The following ADNP variants were observed in gnomAD, a reference collection of about 807,000 sequenced individuals.
ADNP encodes the protein activity dependent neuroprotector homeobox, also known as activity-dependent neuroprotector homeobox protein.
In ADNP, 4 loss-of-function variants were observed where a neutral mutation model predicts 84.9. That is an observed-to-expected ratio of 0.05 (90% confidence interval 0.02 to 0.11). The LOEUF is 0.11. ADNP is among the 10% of genes least tolerant of loss of function. The pLI, the probability that ADNP is intolerant of heterozygous loss-of-function variation, is 1.00. For synonymous variants in ADNP, 554 were observed against 468.1 expected (o/e 1.18, Z -2.37); for missense variants, 1,132 against 1,326.0 (o/e 0.85, Z 2.27).
At chr20:50,915,928 C>G (rs978215282) in intron 2 of ADNP, among the ~76,000 whole-genome samples, 12 of 152,122 alleles carry the variant, frequency 7.9e-5, no homozygotes, top group African/African-American at 2.7e-4. Flanking sequence ...TTATAACACT[C>G]TTAATAAAGA....
intron 2 of ADNP, among the ~76,000 whole-genome samples, 186 bp downstream of exon 2, chr20:50,928,465 C>T (rs1444848975): frequency 6.6e-6 from 1 of 152,136 alleles, no homozygotes; most frequent in Non-Finnish European, 1.5e-5. Flanking sequence ...CTTAAAAAAG[C>T]TGTAAGTAAT....
In ADNP at chr20:50,892,606, G is replaced by A. The variant is rs759181979; in HGVS notation, c.2108C>T (p.Pro703Leu). Residue 703 changes from proline (P) to leucine (L), a missense_variant, in exon 6 of 6, where the codon CCC becomes CTC. Physicochemically the swap from Pro to Leu is moderately conservative, Grantham distance 98 (BLOSUM62 -3). Around this residue, in one of 10 missense-constraint regions of ADNP, gnomAD observed 101 missense variants for 78.5 expected, o/e 1.29. Coordinates refer to ENST00000621696, the MANE Select transcript of ADNP (RefSeq NM_001282531.3). ...TQNGQDKTNA[P>L]SRLNQSPSLA... is the part of the protein sequence containing the mutation. ...ACTTGGAGACTGATTAAGCCGAGAG[G>A]GTGCATTTGTCTTATCCTGGCCATT... 3.1e-6 allele frequency: 5 copies of A among 1,614,138 alleles called. No homozygotes were observed. The South Asian group carries it at 4.4e-5, about 14-fold the overall frequency.
intron 2 of ADNP, among the ~76,000 whole-genome samples, chr20:50,912,313 A>T (rs1178018297): frequency 5.3e-5 from 8 of 151,878 alleles, no homozygotes; most frequent in South Asian, 2.1e-4. Flanking sequence ...GGCTGGGCTA[A>T]TTTTTTTTAT....
At chr20:50,901,993 G>A in intron 5 of ADNP, 24 bp downstream of exon 5, 1 of 1,548,882 alleles carries the variant, frequency 6.5e-7, no homozygotes, top group Non-Finnish European at 8.9e-7. Context: ...GCTGCCATCT[G>A]AGGAAGTCTC....
chr20:50,905,390 G>A (rs567677955), intron 2 of ADNP: 1 of 152,056 alleles, frequency 6.6e-6, no homozygotes, highest in Admixed American at 6.5e-5. Flanking sequence ...AATTAACAAA[G>A]GCTGTTACTC....
chr20:50,905,399 TCTG>T lies in ADNP; in HGVS notation c.-89-553_-89-551del, dbSNP rs1982371969. 2 of 152,192 alleles carry T rather than the reference TCTG, an allele frequency of 1.3e-5. 1 individual carries two copies. The highest frequency in any genetic ancestry group is 4.1e-4 in the South Asian group (2 of 4,830). The allele number at this position is 152,192 out of a possible 1,614,324, so 9.4% of individuals were successfully genotyped here. A position where few individuals can be genotyped will look rare whatever the true frequency, so the allele number is the denominator to read the frequency against. On this transcript the variant is annotated intron_variant, in intron 2 of 5. Coordinates refer to ENST00000621696, the MANE Select transcript of ADNP (RefSeq NM_001282531.3). ...TTTTCTAATTAACAAAGGCTGTTACTCTGTAATACCAATATCATCTGTAAATGG... is the reference window on the plus strand; with the variant it reads ...TTTTCTAATTAACAAAGGCTGTTACTTAATACCAATATCATCTGTAAATGG...
chr20:50,898,215 G>A (rs538319708), intron 5 of ADNP, among the ~76,000 whole-genome samples: 4 of 152,072 alleles, frequency 2.6e-5, no homozygotes, highest in African/African-American at 9.6e-5. Context: ...AAATTCTTCC[G>A]CTGCCTTTAC....
chr20:50,904,852 TTAAAAC>T lies in ADNP; in HGVS notation c.-89-9_-89-4del, dbSNP rs907778503. On this transcript the variant is annotated splice_polypyrimidine_tract_variant and splice_region_variant and intron_variant, in intron 2 of 5. Coordinates refer to ENST00000621696, the MANE Select transcript of ADNP (RefSeq NM_001282531.3). ...GTCCTGCCTACTGCTACGGTATTCT[TTAAAAC>T]AAAAACAAAAACAAAAACAAAAACA... 2 of 151,710 alleles carry T rather than the reference TTAAAAC, an allele frequency of 1.3e-5. No individual in the cohort carries two copies. The highest frequency in any genetic ancestry group is 4.8e-5 in the African/African-American group (2 of 41,330). The allele number at this position is 151,710 out of a possible 1,614,324, so 9.4% of individuals were successfully genotyped here.
chr20:50,931,328 CGGCAACGGGCGGGGGA>C lies in ADNP; in HGVS notation c.-783_-768del, dbSNP rs1984761917. 1 of 108,246 alleles carries C rather than the reference CGGCAACGGGCGGGGGA, an allele frequency of 9.2e-6. No homozygotes were observed. Among genetic ancestry groups the C allele is most frequent in the Admixed American group, 1.0e-4 (1 of 9,540 alleles). The allele number at this position is 108,246 out of a possible 1,614,324, so 6.7% of individuals were successfully genotyped here. On this transcript the variant is annotated 5_prime_UTR_variant, in exon 1 of 6. Coordinates refer to ENST00000621696, the MANE Select transcript of ADNP (RefSeq NM_001282531.3). ...GAGACCGGGCCGGCGGAGGCGGCGG[CGGCAACGGGCGGGGGA>C]GGGGGCTGATCCCGCGTCTCCCCTC...
At chr20:50,925,261 T>TACAC (rs1292426786) in intron 2 of ADNP, among the ~76,000 whole-genome samples, 1 of 82,606 alleles carries the variant, frequency 1.2e-5, no homozygotes, top group African/African-American at 9.0e-5. Context: ...TGTGACTTCC[T>TACAC]ATACACACAC....
Position 50,902,026 on chromosome 20 carries a change from C to T in ADNP, c.192G>A (p.Thr64=), listed in dbSNP as rs780931215. ...EDVGLWDPSL[T]KNQDYRTKPF... ...CTCCTGTGCCACTTACCTGGTTTTTCGTAAGTGATGGGTCCCACAGTCCTA... is the reference window on the plus strand; with the variant it reads ...CTCCTGTGCCACTTACCTGGTTTTTTGTAAGTGATGGGTCCCACAGTCCTA... The change falls in exon 5 of 6, where the codon ACG becomes ACA. Residue 64 remains threonine (T), a synonymous_variant. Coordinates refer to ENST00000621696, the MANE Select transcript of ADNP (RefSeq NM_001282531.3). 8.1e-6 allele frequency: 13 copies of T among 1,612,500 alleles called. No homozygotes were observed. The East Asian group carries it at 1.8e-4, about 22-fold the overall frequency.
intron 2 of ADNP, among the ~76,000 whole-genome samples, chr20:50,922,579 T>TTTTG (rs980930152): frequency 2.0e-4 from 11 of 55,398 alleles, no homozygotes; most frequent in African/African-American, 1.6e-3. Context: ...TCCTCCTGCG[T>TTTTG]TTTTTTTTTT....
chr20:50,902,287 G>C (rs1481677639), intron 4 of ADNP, among the ~76,000 whole-genome samples, 178 bp from the exon 5 acceptor site: 1 of 152,194 alleles, frequency 6.6e-6, no homozygotes, highest in East Asian at 1.9e-4. Context: ...GGAAGTTGCA[G>C]TCTACATTTT....
chr20:50,908,571 G>C (rs1055127113), intron 2 of ADNP, among the ~76,000 whole-genome samples: 4 of 152,008 alleles, frequency 2.6e-5, no homozygotes, highest in East Asian at 1.9e-4. Flanking sequence ...TCAGGAGATC[G>C]AGACCATCCT....
At chr20:50,901,672 A>T (rs1981999460) in intron 5 of ADNP, among the ~76,000 whole-genome samples, 1 of 152,200 alleles carries the variant, frequency 6.6e-6, no homozygotes, top group East Asian at 1.9e-4. Context: ...AAATGTAAGG[A>T]AGGGTCTTGT....
chr20:50,915,920 A>G, intron 2 of ADNP, among the ~76,000 whole-genome samples: 1 of 126,082 alleles, frequency 7.9e-6, no homozygotes, highest in Admixed American at 7.8e-5. Context: ...TAATCATATT[A>G]TAACACTCTT....
chr20:50,915,995 T>C (rs998687155), intron 2 of ADNP, among the ~76,000 whole-genome samples: 1 of 152,212 alleles, frequency 6.6e-6, no homozygotes, highest in Non-Finnish European at 1.5e-5. Flanking sequence ...CTAACTTCAT[T>C]GGACTTTTAC....
At chr20:50,910,440 A>G (rs1214967450) in intron 2 of ADNP, among the ~76,000 whole-genome samples, 1 of 152,168 alleles carries the variant, frequency 6.6e-6, no homozygotes, top group African/African-American at 2.4e-5. Context: ...CTATGTTTCT[A>G]TAAGAAAGCA....
chr20:50,922,707 G>T (rs1458821062), intron 2 of ADNP, among the ~76,000 whole-genome samples: 2 of 151,590 alleles, frequency 1.3e-5, no homozygotes, highest in Non-Finnish European at 2.9e-5. Context: ...AGCCTCCTGA[G>T]TAGCTGGGAT....
Sources: gnomAD v4.1 joint callset for allele counts (sites outside exome capture counted in the v4.1 genomes callset) on GRCh38, gnomAD v4.1.1 for gene constraint, gnomAD v4.1.1 regional missense constraint, MANE v1.5 for transcripts, NCBI Gene and HGNC (gene_info 2026-07-23, HGNC 2026-07-21) for gene names.